ASPRV1: variants seen among roughly 807,000 people sequenced by gnomAD.
The protein encoded by ASPRV1 is retroviral-like aspartic protease 1.
Under a neutral mutation model 11.0 loss-of-function variants are expected in ASPRV1, and 7 were observed. The ratio of observed to expected loss-of-function variants is 0.64; its 90% CI spans 0.36 to 1.20. ASPRV1 has a LOEUF of 1.20. Among genes scored for constraint, ASPRV1 ranks in the 50% most tolerant of loss-of-function variants. The pLI is 0.02. For missense variants in ASPRV1, 299 were observed against 320.0 expected (o/e 0.93, Z 0.50); for synonymous variants, 136 against 138.4 (o/e 0.98, Z 0.12).
the ASPRV1 span, among the ~76,000 whole-genome samples, chr2:70,016,766 C>A: frequency 6.6e-6 from 1 of 151,916 alleles, no homozygotes. Context: ...ATTGCTTGAA[C>A]CTACGAGGCA....
chr2:70,012,874 G>A, the ASPRV1 span, among the ~76,000 whole-genome samples: 5 of 152,090 alleles, frequency 3.3e-5, no homozygotes, highest in Non-Finnish European at 7.3e-5. Flanking sequence ...ATTCAGACTT[G>A]GGTATTTGGC....
the ASPRV1 span, chr2:70,087,102 C>T: frequency 6.6e-6 from 1 of 152,042 alleles, no homozygotes; most frequent in Non-Finnish European, 1.5e-5. Context: ...CCCGCGGCGT[C>T]CCGGCTTGTG....
chr2:70,040,437 C>T, the ASPRV1 span, among the ~76,000 whole-genome samples: 2 of 152,238 alleles, frequency 1.3e-5, no homozygotes, highest in East Asian at 1.9e-4. Context: ...GTCACCCAGG[C>T]CGGAGTGCAA....
the ASPRV1 span, among the ~76,000 whole-genome samples, chr2:69,982,767 A>G: frequency 6.6e-6 from 1 of 152,120 alleles, no homozygotes; most frequent in South Asian, 2.1e-4. Flanking sequence ...ACAAAACCTT[A>G]GGCCTCTGAA....
chr2:70,008,201 C>T, the ASPRV1 span, among the ~76,000 whole-genome samples: 20 of 151,734 alleles, frequency 1.3e-4, no homozygotes, highest in African/African-American at 4.1e-4. Flanking sequence ...CATTCATTTC[C>T]GCTGCTGTGG....
the ASPRV1 span, chr2:69,998,023 G>C: frequency 6.6e-6 from 1 of 152,112 alleles, no homozygotes; most frequent in Non-Finnish European, 1.5e-5. Flanking sequence ...GGCTAGTGAG[G>C]GGCAGGACCA....
the ASPRV1 span, chr2:69,988,739 T>C: frequency 2.2e-6 from 1 of 455,904 alleles, no homozygotes; most frequent in Non-Finnish European, 4.4e-6. Flanking sequence ...CCATGGAACT[T>C]ACGTTCTTCT....
At chr2:69,988,272 G>A in the ASPRV1 span, among the ~76,000 whole-genome samples, 1 of 152,156 alleles carries the variant, frequency 6.6e-6, no homozygotes, top group Non-Finnish European at 1.5e-5. Context: ...CAACCCAAGC[G>A]CCCACGCATG....
chr2:69,994,274 T>C, the ASPRV1 span: 1 of 152,434 alleles, frequency 6.6e-6, no homozygotes, highest in Admixed American at 6.5e-5. Context: ...TTAAGAGGGA[T>C]GAGATCAAGA....
chr2:69,977,372 C>T, the ASPRV1 span, among the ~76,000 whole-genome samples: 4 of 152,262 alleles, frequency 2.6e-5, no homozygotes, highest in African/African-American at 4.8e-5. Context: ...GGGAGCCCTG[C>T]CCCCTCAGGG....
At chr2:70,069,222 G>A in the ASPRV1 span, 2 of 152,096 alleles carry the variant, frequency 1.3e-5, no homozygotes, top group Non-Finnish European at 2.9e-5. Context: ...AACAACCCAA[G>A]GTGAGCTGTC....
the ASPRV1 span, among the ~76,000 whole-genome samples, chr2:70,007,562 TTAA>T: frequency 6.3e-3 from 958 of 151,856 alleles, 5 homozygotes; most frequent in Non-Finnish European, 0.011. Flanking sequence ...TAGAGCGTAT[TTAA>T]TAATAAGTAA....
chr2:70,000,300 T>C, the ASPRV1 span, among the ~76,000 whole-genome samples: 1 of 122,826 alleles, frequency 8.1e-6, no homozygotes, highest in Non-Finnish European at 1.6e-5. Context: ...CTCGGCAACA[T>C]AGTGAAACCC....
the ASPRV1 span, among the ~76,000 whole-genome samples, chr2:70,039,829 A>G: frequency 1.3e-5 from 2 of 152,234 alleles, no homozygotes; most frequent in Non-Finnish European, 2.9e-5. Context: ...TAAGAAAAGA[A>G]AGAACCACAT....
the ASPRV1 span, among the ~76,000 whole-genome samples, chr2:69,951,475 GTGTGTGTGTA>G: frequency 0.011 from 1,121 of 99,378 alleles, 27 homozygotes; most frequent in African/African-American, 0.049. Context: ...GTGTGTGTGT[GTGTGTGTGTA>G]TATCTATATG....
the ASPRV1 span, among the ~76,000 whole-genome samples, chr2:70,040,345 G>A: frequency 6.6e-6 from 1 of 152,256 alleles, no homozygotes; most frequent in East Asian, 1.9e-4. Flanking sequence ...CCGCACTCTA[G>A]CCTGAGTGAC....
At chr2:69,989,568 G>A in the ASPRV1 span, among the ~76,000 whole-genome samples, 26 of 152,354 alleles carry the variant, frequency 1.7e-4, no homozygotes, top group South Asian at 4.8e-3. Context: ...GCCAGTCCTG[G>A]CCAGTCCCGG....
chr2:70,073,678 T>C, the ASPRV1 span, among the ~76,000 whole-genome samples: 13 of 152,164 alleles, frequency 8.5e-5, no homozygotes, highest in Non-Finnish European at 1.5e-4. Flanking sequence ...GTTTTCATTA[T>C]GTGTACCCAA....
chr2:70,008,637 GTTTTTT>G, the ASPRV1 span, among the ~76,000 whole-genome samples: 1 of 143,240 alleles, frequency 7.0e-6, no homozygotes. Flanking sequence ...GTTTTTGTGT[GTTTTTT>G]TTTTTTTAAG....
Sources: gnomAD v4.1 joint callset for allele counts (sites outside exome capture counted in the v4.1 genomes callset) on GRCh38, gnomAD v4.1.1 for gene constraint, MANE v1.5 for transcripts, NCBI Gene and HGNC (gene_info 2026-07-23, HGNC 2026-07-21) for gene names.